INSL6: variants seen among roughly 807,000 people sequenced by gnomAD.
INSL6 encodes the protein insulin like 6, also known as insulin-like peptide INSL6.
INSL6 carries 16 observed loss-of-function variants against 9.4 expected under a neutral mutation model. The observed-to-expected ratio is 1.70, with a 90% CI of 1.15 to 2.59. The LOEUF (loss-of-function observed/expected upper bound fraction) is 2.59. Ranked by LOEUF, INSL6 falls within the 30% of genes most tolerant of loss-of-function variation. INSL6 has a pLI of 0.00. For synonymous variants in INSL6, 154 were observed against 96.9 expected, an observed-to-expected ratio of 1.59 and a Z score of -3.46; for missense variants, 391 against 257.3, an observed-to-expected ratio of 1.52 and a Z score of -3.56.
chr9:5,147,002 G>A (rs1346751543), intron 2 of INSL6, among the ~76,000 whole-genome samples: 1 of 152,162 alleles, frequency 6.6e-6, no homozygotes, highest in Non-Finnish European at 1.5e-5. Context: ...TGATGTGCAA[G>A]ATTACCCTTC....
chr9:5,085,761 T>G, the INSL6 span: 2 of 754,596 alleles, frequency 2.7e-6, no homozygotes, highest in Non-Finnish European at 5.0e-6. Flanking sequence ...AGCTTGCACA[T>G]GTCGGGAGTT....
chr9:5,080,996 C>A, the INSL6 span, among the ~76,000 whole-genome samples: 26 of 149,180 alleles, frequency 1.7e-4, no homozygotes, highest in Non-Finnish European at 3.0e-4. Flanking sequence ...CCAAGGTTCA[C>A]GCCATTCTCC....
chr9:5,160,789 C>T (rs1178496032), downstream of INSL6, among the ~76,000 whole-genome samples: 1 of 152,030 alleles, frequency 6.6e-6, no homozygotes, highest in Non-Finnish European at 1.5e-5. Context: ...TTAAAAGGAT[C>T]ATTAGAGGCT....
chr9:5,049,570 GC>G, the INSL6 span, among the ~76,000 whole-genome samples: 1 of 152,166 alleles, frequency 6.6e-6, no homozygotes, highest in Non-Finnish European at 1.5e-5. Context: ...TCCTGAAGGA[GC>G]TTTTGTGTGG....
At chr9:5,069,650 A>G in the INSL6 span, among the ~76,000 whole-genome samples, 17 of 152,264 alleles carry the variant, frequency 1.1e-4, no homozygotes, top group Non-Finnish European at 2.2e-4. Flanking sequence ...AGTTACTATA[A>G]TTTTGAATTA....
At chr9:5,170,827 C>G (rs1026686231) in intron 1 of INSL6, among the ~76,000 whole-genome samples, 1 of 152,104 alleles carries the variant, frequency 6.6e-6, no homozygotes, top group African/African-American at 2.4e-5. Flanking sequence ...ATAACAAGTT[C>G]TGAAATTGAG....
the INSL6 span, chr9:5,090,979 A>T: frequency 8.9e-7 from 1 of 1,129,860 alleles, no homozygotes; most frequent in Non-Finnish European, 1.3e-6. Flanking sequence ...GTTGTTATTT[A>T]ATAGTTTGCC....
intron 2 of INSL6, among the ~76,000 whole-genome samples, chr9:5,134,027 C>T (rs138819298): frequency 5.8e-4 from 89 of 152,178 alleles, no homozygotes; most frequent in African/African-American, 2.1e-3. Context: ...TAAAAAACAG[C>T]ACGAGAACTT....
At chr9:5,152,784 G>A (rs147291513) in intron 2 of INSL6, among the ~76,000 whole-genome samples, 28 of 152,356 alleles carry the variant, frequency 1.8e-4, no homozygotes, top group African/African-American at 6.5e-4. Context: ...AACAGCTCCA[G>A]TCGGCAGCTA....
the INSL6 span, among the ~76,000 whole-genome samples, chr9:5,074,366 C>A: frequency 6.6e-6 from 1 of 152,094 alleles, no homozygotes; most frequent in Non-Finnish European, 1.5e-5. Flanking sequence ...TTACGGCAAC[C>A]CAGTGTCTAG....
the INSL6 span, among the ~76,000 whole-genome samples, chr9:5,103,255 A>AG: frequency 2.9e-5 from 3 of 103,910 alleles, no homozygotes; most frequent in South Asian, 3.2e-4. Context: ...AAAAAAAAAA[A>AG]GCAGGAGTTG....
chr9:4,998,072 AT>A, the INSL6 span, among the ~76,000 whole-genome samples: 1 of 152,184 alleles, frequency 6.6e-6, no homozygotes, highest in South Asian at 2.1e-4. Context: ...ATTTTTTTGA[AT>A]ATCAATAGCA....
intron 2 of INSL6, among the ~76,000 whole-genome samples, chr9:5,139,250 A>G (rs748949664): frequency 6.6e-6 from 1 of 152,042 alleles, no homozygotes; most frequent in Non-Finnish European, 1.5e-5. Flanking sequence ...TTTGAAGTAT[A>G]TTTTTTTAAT....
At chr9:5,082,972 A>G in the INSL6 span, among the ~76,000 whole-genome samples, 7 of 152,238 alleles carry the variant, frequency 4.6e-5, no homozygotes, top group African/African-American at 7.2e-5. Context: ...ACACAGTAAC[A>G]CACTGATCTC....
the INSL6 span, among the ~76,000 whole-genome samples, chr9:4,992,414 G>C: frequency 6.6e-6 from 1 of 152,156 alleles, no homozygotes; most frequent in South Asian, 2.1e-4. Context: ...CAGATTTGAT[G>C]GGGGAGTGGC....
At chr9:5,062,642 T>C in the INSL6 span, among the ~76,000 whole-genome samples, 1 of 152,182 alleles carries the variant, frequency 6.6e-6, no homozygotes, top group South Asian at 2.1e-4. Context: ...GTATGAATAT[T>C]TACAACTTTG....
chr9:5,090,317 T>C, the INSL6 span: 3 of 581,250 alleles, frequency 5.2e-6, no homozygotes, highest in African/African-American at 1.9e-5. Flanking sequence ...ATATCACCTT[T>C]AATGTATAAT....
the INSL6 span, among the ~76,000 whole-genome samples, chr9:5,060,205 T>A: frequency 6.6e-6 from 1 of 152,222 alleles, no homozygotes; most frequent in Non-Finnish European, 1.5e-5. Flanking sequence ...ATCTTTCTGC[T>A]TATGAGGGTA....
chr9:5,076,069 C>G, the INSL6 span, among the ~76,000 whole-genome samples: 1 of 152,106 alleles, frequency 6.6e-6, no homozygotes, highest in Non-Finnish European at 1.5e-5. Context: ...AGATGTGACT[C>G]AATTGCTACA....
Sources: allele counts gnomAD v4.1 joint callset (sites outside exome capture counted in the v4.1 genomes callset), GRCh38; gene constraint gnomAD v4.1.1; transcripts MANE v1.5; gene names NCBI Gene and HGNC (gene_info 2026-07-23, HGNC 2026-07-21).